The following NCAM2 variants were observed in gnomAD, a reference collection of about 807,000 sequenced individuals.
The protein encoded by NCAM2 is N-CAM-2.
Under a neutral mutation model 98.1 loss-of-function variants are expected in NCAM2, and 30 were observed. That is an observed-to-expected ratio of 0.31 (90% confidence interval 0.23 to 0.41). The LOEUF (loss-of-function observed/expected upper bound fraction) is 0.41, where lower values mean the gene tolerates loss of function less well. NCAM2 is among the 10% of genes least tolerant of loss of function. The probability of loss-of-function intolerance (pLI) is 1.00; values close to 1 mark genes in which losing one functional copy is unlikely to be tolerated. For missense variants in NCAM2, 867 were observed against 1,005.8 expected (o/e 0.86, Z 1.87); for synonymous variants, 368 against 342.4 (o/e 1.07, Z -0.83).
At chr21:21,286,132 T>A (rs1306996588) in intron 3 of NCAM2, 137 bp from the exon 4 acceptor site, 2 of 946,928 alleles carry the variant, frequency 2.1e-6, no homozygotes, top group Non-Finnish European at 3.1e-6. Context: ...TTATCTAGTT[T>A]AAGATTTTAA....
chr21:21,432,184 G>A lies in NCAM2; in HGVS notation c.1557G>A (p.Pro519=), dbSNP rs370200278. ...QTTAKVSFNK[P]DSHGGVPIHH... is the part of the protein sequence containing the mutation. ...CGGCCAAGGTTTCCTTCAACAAACC[G>A]GACTCCCATGGAGGTGTACCTATTC... Residue 519 remains proline, a synonymous_variant, in exon 12 of 18, where the codon CCG becomes CCA. Coordinates refer to ENST00000400546, the MANE Select transcript of NCAM2 (RefSeq NM_004540.5). The A allele has an allele frequency of 2.9e-5, 47 of 1,613,874 alleles. No homozygotes were observed. Among genetic ancestry groups the A allele is most frequent in the Middle Eastern group, 3.3e-4 (2 of 6,084 alleles).
At chr21:21,110,653 AT>A (rs939919217) in intron 1 of NCAM2, among the ~76,000 whole-genome samples, 8 of 150,888 alleles carry the variant, frequency 5.3e-5, no homozygotes, top group South Asian at 2.1e-4. Flanking sequence ...TGTATGAGTT[AT>A]TTTTTTGGAA....
intron 11 of NCAM2, among the ~76,000 whole-genome samples, chr21:21,430,133 A>G (rs933096486): frequency 6.6e-6 from 1 of 151,862 alleles, no homozygotes; most frequent in East Asian, 1.9e-4. Context: ...GGTTCAACCA[A>G]TTCTCCTGCT....
In NCAM2 at chr21:21,534,426, G is replaced by A. The variant is rs140884912; in HGVS notation, c.2283-111G>A. ...TCAGTGGTTTTCTTAAATTAACCAA[G>A]TTGGATTTATTTGGAGGAAGGTAGA... On this transcript the variant is annotated intron_variant, in intron 16 of 17. Transcript: ENST00000400546. The A allele has an allele frequency of 3.6e-4, 322 of 902,660 alleles. No individual in the cohort carries two copies. The South Asian group carries it at 8.4e-3, about 23-fold the overall frequency. 55.9% of individuals were successfully genotyped at this position (902,660 alleles called of 1,614,324 possible). A position where few individuals can be genotyped will look rare whatever the true frequency, so the allele number is the denominator to read the frequency against.
chr21:21,309,194 C>A (rs2073969422), intron 5 of NCAM2, among the ~76,000 whole-genome samples: 2 of 152,090 alleles, frequency 1.3e-5, no homozygotes, highest in Non-Finnish European at 2.9e-5. Context: ...CTCATTATAT[C>A]TTATATTTCC....
chr21:21,226,771 G>C (rs1415313664), intron 1 of NCAM2: 1 of 152,060 alleles, frequency 6.6e-6, no homozygotes, highest in African/African-American at 2.4e-5. Flanking sequence ...TTCTGTGCAA[G>C]TATAGTTGAA....
At chr21:21,481,758 C>T (rs1447881994) in intron 15 of NCAM2, among the ~76,000 whole-genome samples, 4 of 152,058 alleles carry the variant, frequency 2.6e-5, no homozygotes, top group Admixed American at 2.6e-4. Context: ...ACAAAGCCAT[C>T]ACAACTTATC....
intron 1 of NCAM2, among the ~76,000 whole-genome samples, chr21:21,061,936 T>TA (rs1390173053): frequency 2.6e-5 from 4 of 152,138 alleles, no homozygotes; most frequent in African/African-American, 9.6e-5. Flanking sequence ...TTGTGTTTTT[T>TA]ATGTTGGAAA....
rs192609829 is a variant in NCAM2 at position 21,193,725 on chromosome 21, A to G, written c.56-86853A>G. Among the ~76,000 whole-genome samples the G allele has an allele frequency of 1.5e-3, 233 of 151,918 alleles. 4 individuals carry two copies. Among genetic ancestry groups the G allele is most frequent in the Admixed American group, 0.013 (204 of 15,264 alleles). ...TGGCCAGGATGGTCTTGATCTGTTG[A>G]CCTCATGATCCGCCCACCTCGGCCT... On this transcript the variant is annotated intron_variant, in intron 1 of 17. Coordinates refer to ENST00000400546, the MANE Select transcript of NCAM2 (RefSeq NM_004540.5).
intron 9 of NCAM2, among the ~76,000 whole-genome samples, chr21:21,410,019 G>A (rs1188977397): frequency 1.3e-5 from 2 of 152,050 alleles, no homozygotes; most frequent in African/African-American, 4.8e-5. Flanking sequence ...TGTAGTCCCA[G>A]CTACTCAGAA....
At chr21:21,379,860 C>G (rs2076114383) in intron 9 of NCAM2, among the ~76,000 whole-genome samples, 1 of 151,904 alleles carries the variant, frequency 6.6e-6, no homozygotes, top group Non-Finnish European at 1.5e-5. Context: ...CTCACTCCAT[C>G]ACAAGGTGCC....
chr21:21,270,834 T>A (rs2072469601), intron 1 of NCAM2, among the ~76,000 whole-genome samples: 1 of 152,152 alleles, frequency 6.6e-6, no homozygotes. Flanking sequence ...TGTGGCTTGA[T>A]GTCTGATGGG....
chr21:21,450,094 TC>T (rs1980797505), intron 12 of NCAM2, among the ~76,000 whole-genome samples: 1 of 151,876 alleles, frequency 6.6e-6, no homozygotes, highest in African/African-American at 2.4e-5. Flanking sequence ...ATGCACCTAT[TC>T]CAGGGTATTT....
rs905825830 is a variant in NCAM2 at position 21,230,293 on chromosome 21, T to A, written c.56-50285T>A. Among the ~76,000 whole-genome samples the A allele has an allele frequency of 5.9e-5, 9 of 151,392 alleles. No individual in the cohort carries two copies. In the South Asian group the frequency reaches 1.0e-3, roughly 17 times the overall value. ...ATCCATATTCTTCTTTTAAGTTTTT[T>A]AAAAATCATTGTCTCACTTTTTTTT... On this transcript the variant is annotated intron_variant, in intron 1 of 17. Coordinates refer to ENST00000400546, the MANE Select transcript of NCAM2 (RefSeq NM_004540.5).
intron 1 of NCAM2, chr21:21,226,633 T>G (rs1032746470): frequency 1.3e-5 from 2 of 152,084 alleles, no homozygotes; most frequent in Admixed American, 6.6e-5. Context: ...CCTGATGAGA[T>G]CATAGTCGAC....
At chr21:21,116,410 T>C (rs1013961155) in intron 1 of NCAM2, among the ~76,000 whole-genome samples, 2 of 152,216 alleles carry the variant, frequency 1.3e-5, no homozygotes, top group Admixed American at 6.5e-5. Flanking sequence ...ATATGTAGCA[T>C]ATGAATAACT....
intron 1 of NCAM2, among the ~76,000 whole-genome samples, chr21:21,216,197 A>G (rs1162959506): frequency 6.6e-6 from 1 of 152,192 alleles, no homozygotes; most frequent in African/African-American, 2.4e-5. Flanking sequence ...TCAGATAGTC[A>G]AAATCCCAGA....
intron 1 of NCAM2, among the ~76,000 whole-genome samples, chr21:21,241,479 A>G (rs192837374): frequency 9.9e-4 from 151 of 152,294 alleles, no homozygotes; most frequent in Middle Eastern, 3.4e-3. Context: ...CATATAAGCT[A>G]TTTAACTTGG....
At chr21:21,113,640 G>C (rs540025855) in intron 1 of NCAM2, among the ~76,000 whole-genome samples, 1 of 151,966 alleles carries the variant, frequency 6.6e-6, no homozygotes, top group Non-Finnish European at 1.5e-5. Context: ...TTCCAAAAAC[G>C]CACAAAGTGT....
Sources: gnomAD v4.1 joint callset for allele counts (sites outside exome capture counted in the v4.1 genomes callset) on GRCh38, gnomAD v4.1.1 for gene constraint, MANE v1.5 for transcripts, NCBI Gene and HGNC (gene_info 2026-07-23, HGNC 2026-07-21) for gene names.